Variants in ESRRG observed in about 807,000 individuals in gnomAD.
ESRRG encodes the protein estrogen-related receptor gamma.
Under a neutral mutation model 44.0 loss-of-function variants are expected in ESRRG, and 13 were observed. The ratio of observed to expected loss-of-function variants is 0.30; its 90% CI spans 0.19 to 0.47. The LOEUF (loss-of-function observed/expected upper bound fraction) is 0.47. ESRRG is among the 20% of genes least tolerant of loss of function. The pLI is 1.00. For missense variants in ESRRG, 395 were observed against 580.6 expected, an observed-to-expected ratio of 0.68 and a Z score of 3.29; for synonymous variants, 215 against 214.6, an observed-to-expected ratio of 1.00 and a Z score of -0.02.
At position 216,869,674 on chromosome 1, in the gene ESRRG, A is replaced by G. The variant is rs530041841; in HGVS notation, c.-14+69908T>C. Among the ~76,000 whole-genome samples the G allele has an allele frequency of 5.3e-5, 8 of 152,176 alleles. No individual in the cohort carries two copies. The East Asian group carries it at 1.5e-3, about 29-fold the overall frequency. On this transcript the variant is annotated intron_variant, in intron 2 of 7. Transcript: ENST00000359162. The stretch of plus-strand genomic sequence containing the variant: ...TTTACTTTGTTGAATCTTCTGATTC[A>G]TGAACATAGTGTATGTCTCAATTTA...
intron 2 of ESRRG, among the ~76,000 whole-genome samples, chr1:216,809,815 C>T (rs1485759548): frequency 6.6e-6 from 1 of 152,092 alleles, no homozygotes; most frequent in Admixed American, 6.6e-5. Flanking sequence ...AGCTAAGGGG[C>T]ATGAAATGAG....
chr1:216,663,334 G>A (rs560897751), intron 2 of ESRRG, among the ~76,000 whole-genome samples: 10 of 152,142 alleles, frequency 6.6e-5, no homozygotes, highest in East Asian at 1.9e-4. Context: ...ATCTCTGATC[G>A]TCCTCAAATG....
At chr1:216,719,223 G>A (rs2085613888) in intron 1 of ESRRG, among the ~76,000 whole-genome samples, 1 of 151,942 alleles carries the variant, frequency 6.6e-6, no homozygotes, top group African/African-American at 2.4e-5. Context: ...CAAAAGTATT[G>A]TTAAATAGAA....
rs562072658 is a variant in ESRRG at position 216,898,223 on chromosome 1, T to A, written c.-14+41359A>T. 9.8e-5 allele frequency among the ~76,000 whole-genome samples: 15 copies of A among 152,316 alleles called. No individual in the cohort carries two copies. The East Asian group carries it at 2.9e-3, about 29-fold the overall frequency. ...AATTTCTCCACTCAATTTATGAGAA[T>A]TACTATTCCCTTGAAGTGATTTAAG... On this transcript the variant is annotated intron_variant, in intron 2 of 7. Transcript: ENST00000359162.
Position 216,889,732 on chromosome 1 carries a change from T to A in ESRRG, c.-14+49850A>T, listed in dbSNP as rs537945101. 5.3e-5 allele frequency among the ~76,000 whole-genome samples: 8 copies of A among 152,304 alleles called. No homozygotes were observed. In the East Asian group the frequency reaches 1.5e-3, roughly 29 times the overall value. On this transcript the variant is annotated intron_variant, in intron 2 of 7. Coordinates refer to the ESRRG transcript ENST00000359162. ...ACAGTATTTCTCAGTGGGTAGGACATCTCACATATCCACTGATTTCGCTTT... is the reference window on the plus strand; with the variant it reads ...ACAGTATTTCTCAGTGGGTAGGACAACTCACATATCCACTGATTTCGCTTT...
chr1:217,081,732 C>G (rs566194160), intron 1 of ESRRG, among the ~76,000 whole-genome samples: 3 of 152,302 alleles, frequency 2.0e-5, no homozygotes, highest in African/African-American at 4.8e-5. Context: ...GTGTAAGCCA[C>G]AGCACCCAGC....
chr1:216,655,599 G>C (rs899465228), intron 2 of ESRRG, among the ~76,000 whole-genome samples: 2 of 152,160 alleles, frequency 1.3e-5, no homozygotes, highest in African/African-American at 4.8e-5. Context: ...AGTTTCAGCT[G>C]AAGTGTATAG....
intron 5 of ESRRG, among the ~76,000 whole-genome samples, chr1:216,527,682 C>T (rs1340308815): frequency 1.3e-5 from 2 of 152,202 alleles, no homozygotes; most frequent in South Asian, 2.1e-4. Flanking sequence ...ACTGATCTCT[C>T]ACCAAGTTTT....
chr1:216,794,116 T>G (rs2094407759), intron 2 of ESRRG, among the ~76,000 whole-genome samples: 1 of 152,020 alleles, frequency 6.6e-6, no homozygotes, highest in Non-Finnish European at 1.5e-5. Flanking sequence ...CTGAGCAATT[T>G]AGGAAGCCTT....
chr1:217,133,605 T>C (rs1306901907), intron 1 of ESRRG, among the ~76,000 whole-genome samples: 3 of 98,414 alleles, frequency 3.0e-5, no homozygotes, highest in African/African-American at 1.1e-4. Context: ...TGTTTTCCTT[T>C]TTTCTTTCTT....
At chr1:216,600,178 G>C (rs1424463701) in intron 3 of ESRRG, among the ~76,000 whole-genome samples, 1 of 152,186 alleles carries the variant, frequency 6.6e-6, no homozygotes, top group Non-Finnish European at 1.5e-5. Context: ...TTTTGGCCGG[G>C]GGTTGGGGAA....
intron 1 of ESRRG, among the ~76,000 whole-genome samples, chr1:217,127,284 A>G (rs2092905214): frequency 6.6e-6 from 1 of 152,170 alleles, no homozygotes; most frequent in Non-Finnish European, 1.5e-5. Flanking sequence ...TTTTGGTTAT[A>G]AGCTATTTTT....
At chr1:216,885,786 G>A (rs1195644650) in intron 2 of ESRRG, among the ~76,000 whole-genome samples, 2 of 151,376 alleles carry the variant, frequency 1.3e-5, no homozygotes, top group African/African-American at 2.4e-5. Flanking sequence ...CCAAATATAC[G>A]GGCTATCTTT....
intron 1 of ESRRG, among the ~76,000 whole-genome samples, chr1:216,710,444 A>G (rs2083363963): frequency 6.6e-6 from 1 of 152,190 alleles, no homozygotes; most frequent in African/African-American, 2.4e-5. Flanking sequence ...GCCACTAAAC[A>G]AAAAAAGGCA....
intron 2 of ESRRG, among the ~76,000 whole-genome samples, chr1:216,914,190 G>C (rs1479933576): frequency 1.3e-5 from 2 of 151,784 alleles, no homozygotes; most frequent in African/African-American, 4.8e-5. Context: ...CGAATCCTTT[G>C]GCAGGAAAAG....
In ESRRG at chr1:216,506,605, A is replaced by G. The variant is rs2041260711; in HGVS notation, c.*334T>C. The stretch of plus-strand genomic sequence containing the variant: ...ATGAGAGTAGGTAAAGAAAAGAAAG[A>G]AGGCAGGCAGACGGGAAGAAAATAA... On this transcript the variant is annotated 3_prime_UTR_variant, in exon 7 of 7. Coordinates refer to ENST00000408911, the MANE Select transcript of ESRRG (RefSeq NM_001438.4). 2.1e-6 allele frequency: 1 copy of G among 481,068 alleles called. No individual in the cohort carries two copies. Among genetic ancestry groups the G allele is most frequent in the Non-Finnish European group, 4.1e-6 (1 of 244,064 alleles). The allele number at this position is 481,068 out of a possible 1,614,324, so 29.8% of individuals were successfully genotyped here.
chr1:216,666,454 A>G, intron 2 of ESRRG, among the ~76,000 whole-genome samples: 1 of 152,342 alleles, frequency 6.6e-6, no homozygotes, highest in East Asian at 1.9e-4. Context: ...CATGCCGTTC[A>G]GTAGACTGAG....
intron 2 of ESRRG, among the ~76,000 whole-genome samples, chr1:216,882,308 C>T (rs1220121349): frequency 6.6e-6 from 1 of 152,156 alleles, no homozygotes; most frequent in Non-Finnish European, 1.5e-5. Flanking sequence ...AGTATCCATC[C>T]TCCTGTGGCT....
chr1:217,051,541 T>C (rs2086037227), intron 1 of ESRRG, among the ~76,000 whole-genome samples: 1 of 152,088 alleles, frequency 6.6e-6, no homozygotes, highest in African/African-American at 2.4e-5. Flanking sequence ...TGATGATGAG[T>C]CAATGCACCC....
Sources: gnomAD v4.1 joint callset for allele counts (sites outside exome capture counted in the v4.1 genomes callset) on GRCh38, gnomAD v4.1.1 for gene constraint, MANE v1.5 for transcripts, NCBI Gene and HGNC (gene_info 2026-07-23, HGNC 2026-07-21) for gene names.